Variants in ADCK1 observed in about 807,000 individuals in gnomAD.
ADCK1 encodes the protein aarF domain containing kinase 1, also known as aarF domain-containing protein kinase 1.
ADCK1 carries 41 observed loss-of-function variants against 52.3 expected under a neutral mutation model. The ratio of observed to expected loss-of-function variants is 0.78; its 90% confidence interval spans 0.61 to 1.02. The LOEUF is 1.02. Among genes scored for constraint, ADCK1 ranks in the 50% least tolerant of loss-of-function variants. The pLI is 0.00. For synonymous variants in ADCK1, 250 were observed against 274.6 expected (o/e 0.91, Z 0.89); for missense variants, 658 against 679.5 (o/e 0.97, Z 0.35).
chr14:77,921,719 G>A (rs1358718846), intron 7 of ADCK1, among the ~76,000 whole-genome samples: 1 of 152,138 alleles, frequency 6.6e-6, no homozygotes, highest in Admixed American at 6.5e-5. Flanking sequence ...GGGCCACTCT[G>A]GTGGCTCTTC....
At chr14:77,876,158 A>G (rs936572991) in intron 4 of ADCK1, among the ~76,000 whole-genome samples, 2 of 152,198 alleles carry the variant, frequency 1.3e-5, no homozygotes, top group African/African-American at 4.8e-5. Flanking sequence ...TCTGAAAATT[A>G]AGGTGTTGAC....
chr14:77,930,021 C>A (rs376693316), intron 9 of ADCK1, among the ~76,000 whole-genome samples: 3 of 152,146 alleles, frequency 2.0e-5, no homozygotes, highest in South Asian at 2.1e-4. Context: ...ACTGCAGACA[C>A]CCACCATCAG....
At chr14:77,926,156 A>AG (rs776895719) in intron 9 of ADCK1, among the ~76,000 whole-genome samples, 195 bp downstream of exon 9, 1 of 152,140 alleles carries the variant, frequency 6.6e-6, no homozygotes, top group Non-Finnish European at 1.5e-5. Flanking sequence ...AAGGAGGGAA[A>AG]GGGGGTGATA....
chr14:77,805,323 A>G (rs1428122814), intron 1 of ADCK1, among the ~76,000 whole-genome samples: 5 of 115,350 alleles, frequency 4.3e-5, no homozygotes. Context: ...GTGTAGTGGC[A>G]CGATCTTGGC....
chr14:77,879,863 G>A (rs2082983449), intron 4 of ADCK1, among the ~76,000 whole-genome samples: 2 of 151,126 alleles, frequency 1.3e-5, no homozygotes, highest in South Asian at 2.1e-4. Flanking sequence ...AACTGGAGGC[G>A]TCATGTGAGG....
chr14:77,855,780 C>A lies in ADCK1; in HGVS notation c.220-3296C>A, dbSNP rs767899687. ...CTCTAATCAAAGCTGGTCTAGTCTGCGTGGCAGAATCTTGTCCATTTAGAG... is the reference window on the plus strand; with the variant it reads ...CTCTAATCAAAGCTGGTCTAGTCTGAGTGGCAGAATCTTGTCCATTTAGAG... On this transcript the variant is annotated intron_variant, in intron 3 of 10. Coordinates refer to ENST00000238561, the MANE Select transcript of ADCK1 (RefSeq NM_020421.4). Among the ~76,000 whole-genome samples, 4 of 152,220 alleles carry A rather than the reference C, an allele frequency of 2.6e-5. No individual in the cohort carries two copies. The East Asian group carries it at 7.7e-4, about 29-fold the overall frequency.
intron 3 of ADCK1, among the ~76,000 whole-genome samples, chr14:77,847,134 A>G (rs2082187381): frequency 6.6e-6 from 1 of 152,088 alleles, no homozygotes; most frequent in Non-Finnish European, 1.5e-5. Context: ...GATTATGGAG[A>G]TGCTATGCAA....
intron 3 of ADCK1, among the ~76,000 whole-genome samples, chr14:77,849,648 C>T (rs1020423869): frequency 6.6e-6 from 1 of 151,868 alleles, no homozygotes; most frequent in African/African-American, 2.4e-5. Context: ...GATGGGCTCT[C>T]ATTATGTTGC....
chr14:77,915,815 T>C (rs1384702766), intron 7 of ADCK1, among the ~76,000 whole-genome samples: 1 of 152,210 alleles, frequency 6.6e-6, no homozygotes, highest in African/African-American at 2.4e-5. Context: ...AGGTGTTGGC[T>C]CTGCTGCTTA....
At chr14:77,852,663 A>AAATAAATAAATATATATAT (rs1566667072) in intron 3 of ADCK1, among the ~76,000 whole-genome samples, 1 of 87,572 alleles carries the variant, frequency 1.1e-5, no homozygotes, top group South Asian at 3.7e-4. Flanking sequence ...ATAAATAAAT[A>AAATAAATAAATATATATAT]TATATATATA....
chr14:77,801,626 T>C (rs1474043626), intron 1 of ADCK1, among the ~76,000 whole-genome samples: 3 of 152,078 alleles, frequency 2.0e-5, no homozygotes, highest in Non-Finnish European at 4.4e-5. Flanking sequence ...CATTTTCTTG[T>C]CAGACAAAGG....
chr14:77,862,655 G>GTC (rs1208069230), intron 4 of ADCK1, among the ~76,000 whole-genome samples: 2 of 152,222 alleles, frequency 1.3e-5, no homozygotes, highest in Non-Finnish European at 2.9e-5. Flanking sequence ...ATGCTCCGCA[G>GTC]TCTCTGATGG....
At chr14:77,921,317 ACT>A (rs1241444154) in intron 7 of ADCK1, among the ~76,000 whole-genome samples, 2 of 129,958 alleles carry the variant, frequency 1.5e-5, no homozygotes, top group Non-Finnish European at 1.6e-5. Context: ...ACAGAGTGAG[ACT>A]CTGTCTCAAA....
At chr14:77,858,550 C>T (rs1594952195) in intron 3 of ADCK1, among the ~76,000 whole-genome samples, 1 of 152,110 alleles carries the variant, frequency 6.6e-6, no homozygotes, top group East Asian at 1.9e-4. Flanking sequence ...TAGTGATTTC[C>T]TTAGCAACAA....
rs1253969552 is a variant in ADCK1 at position 77,931,728 on chromosome 14, C to G, written c.1400+17C>G. 1 of 1,593,580 alleles carries G rather than the reference C, an allele frequency of 6.3e-7. No individual in the cohort carries two copies. Among genetic ancestry groups the G allele is most frequent in the African/African-American group, 1.3e-5 (1 of 74,810 alleles). On this transcript the variant is annotated intron_variant, in intron 10 of 10. Coordinates refer to ENST00000238561, the MANE Select transcript of ADCK1 (RefSeq NM_020421.4). ...GCTAGCTGAGTGAGTGTGGGCTCCT[C>G]CCTCTCCTCCCCTCCTAGCCCCCTG...
intron 7 of ADCK1, among the ~76,000 whole-genome samples, chr14:77,911,950 A>T (rs1425032521): frequency 6.6e-6 from 1 of 152,186 alleles, no homozygotes; most frequent in East Asian, 1.9e-4. Flanking sequence ...ATCACTGTCC[A>T]GATAAAGTTG....
At chr14:77,879,850 C>G (rs941608377) in intron 4 of ADCK1, among the ~76,000 whole-genome samples, 10 of 152,084 alleles carry the variant, frequency 6.6e-5, no homozygotes, top group Admixed American at 6.6e-4. Flanking sequence ...ACTCTGCCCT[C>G]ATAACTGGAG....
chr14:77,854,628 T>C (rs2082380187), intron 3 of ADCK1, among the ~76,000 whole-genome samples: 1 of 148,936 alleles, frequency 6.7e-6, no homozygotes, highest in South Asian at 2.1e-4. Flanking sequence ...GTGATCTTGG[T>C]TCACTACAAC....
At chr14:77,817,607 A>G (rs939439828) in intron 1 of ADCK1, among the ~76,000 whole-genome samples, 1 of 152,220 alleles carries the variant, frequency 6.6e-6, no homozygotes, top group African/African-American at 2.4e-5. Context: ...TATGAATTTG[A>G]ACAGATCAAA....
Sources: gnomAD v4.1 joint callset for allele counts (sites outside exome capture counted in the v4.1 genomes callset) on GRCh38, gnomAD v4.1.1 for gene constraint, MANE v1.5 for transcripts, NCBI Gene and HGNC (gene_info 2026-07-23, HGNC 2026-07-21) for gene names.